Variants in TMEM131L observed in about 807,000 individuals in gnomAD.
TMEM131L encodes the protein transmembrane protein 131-like.
Under a neutral mutation model 192.2 loss-of-function variants are expected in TMEM131L, and 54 were observed. The observed-to-expected ratio is 0.28, with a 90% CI of 0.23 to 0.35. TMEM131L has a LOEUF of 0.35. Among genes scored for constraint, TMEM131L ranks in the 10% least tolerant of loss-of-function variants. The pLI is 1.00. For synonymous variants in TMEM131L, 701 were observed against 704.9 expected, an observed-to-expected ratio of 0.99 and a Z score of 0.09; for missense variants, 1,888 against 1,972.9, an observed-to-expected ratio of 0.96 and a Z score of 0.82.
chr4:153,590,483 T>C (rs921435895), intron 16 of TMEM131L, among the ~76,000 whole-genome samples: 1 of 152,250 alleles, frequency 6.6e-6, no homozygotes, highest in African/African-American at 2.4e-5. Flanking sequence ...CCTTTTTCCT[T>C]GTGTAATTAA....
intron 3 of TMEM131L, among the ~76,000 whole-genome samples, chr4:153,495,762 GT>G (rs1277832951): frequency 2.0e-5 from 3 of 152,202 alleles, no homozygotes; most frequent in Non-Finnish European, 4.4e-5. Context: ...GAATTTCCTT[GT>G]GGGTAAATTG....
chr4:153,541,086 A>G (rs1736746063), intron 3 of TMEM131L, among the ~76,000 whole-genome samples: 1 of 152,216 alleles, frequency 6.6e-6, no homozygotes, highest in Admixed American at 6.5e-5. Flanking sequence ...GACCTACCCT[A>G]GCGTCTAGGA....
chr4:153,540,488 C>T lies in TMEM131L; in HGVS notation c.240-9585C>T, dbSNP rs1736694629. On this transcript the variant is annotated intron_variant, in intron 3 of 34. Coordinates refer to ENST00000409959, the MANE Select transcript of TMEM131L (RefSeq NM_001131007.2). Reference sequence around the variant, plus strand: ...TTAAAGTACTGTGGACTGTGCTCTCCCTTGTATCATATGTGTTATGTATTG... The same window carrying T: ...TTAAAGTACTGTGGACTGTGCTCTCTCTTGTATCATATGTGTTATGTATTG... 1.3e-5 allele frequency among the ~76,000 whole-genome samples: 2 copies of T among 152,162 alleles called. 1 individual carries two copies. The highest frequency in any genetic ancestry group is 4.1e-4 in the South Asian group (2 of 4,834).
At chr4:153,551,503 G>A (rs1019718152) in intron 4 of TMEM131L, among the ~76,000 whole-genome samples, 5 of 152,046 alleles carry the variant, frequency 3.3e-5, no homozygotes, top group Non-Finnish European at 5.9e-5. Context: ...GACTATGGGT[G>A]CCCGCCACCA....
rs749726419 is a variant in TMEM131L at position 153,596,283 on chromosome 4, T to C, written c.2021T>C (p.Phe674Ser). Residue 674 changes from phenylalanine (F) to serine (S), a missense_variant, in exon 20 of 35, where the codon TTT becomes TCT. Transcript: ENST00000409959. The stretch of plus-strand genomic sequence containing the variant: ...GGTACGCATTCTGAGGAATCCAGGT[T>C]TGGCATCCTCCACTTACATCTGCAG... ...YLGTHSEESRFGILHLHLQPL... is the reference protein window; with the variant it reads ...YLGTHSEESRSGILHLHLQPL... 8 of 1,613,948 alleles carry C rather than the reference T, an allele frequency of 5.0e-6. No homozygotes were observed.
chr4:153,514,181 C>G (rs1489081941), intron 3 of TMEM131L, among the ~76,000 whole-genome samples: 1 of 152,158 alleles, frequency 6.6e-6, no homozygotes, highest in Non-Finnish European at 1.5e-5. Flanking sequence ...TTGATTTTCT[C>G]CTCTGTAAAA....
intron 9 of TMEM131L, among the ~76,000 whole-genome samples, chr4:153,582,427 T>TTTG (rs1372769237): frequency 8.2e-6 from 1 of 122,162 alleles, no homozygotes; most frequent in African/African-American, 5.3e-5. Context: ...ACCGTTTTTT[T>TTTG]TTGTTGTTTT....
intron 25 of TMEM131L, among the ~76,000 whole-genome samples, chr4:153,610,584 C>G (rs1654239034): frequency 6.6e-6 from 1 of 152,168 alleles, no homozygotes; most frequent in Admixed American, 6.6e-5. Context: ...GCTTGCCTGG[C>G]ATTTTTATGG....
intron 7 of TMEM131L, among the ~76,000 whole-genome samples, chr4:153,561,434 T>A (rs1392012555): frequency 6.6e-6 from 1 of 152,228 alleles, no homozygotes; most frequent in Non-Finnish European, 1.5e-5. Context: ...TTTAATATTA[T>A]ATCTAAAAAG....
At chr4:153,607,448 A>G (rs1167164667) in intron 25 of TMEM131L, among the ~76,000 whole-genome samples, 1 of 152,192 alleles carries the variant, frequency 6.6e-6, no homozygotes, top group East Asian at 1.9e-4. Context: ...ATAGCTGAGA[A>G]TCCTAAGTGC....
Position 153,555,675 on chromosome 4 carries a change from C to T in TMEM131L, c.309-112C>T. 1.1e-6 allele frequency: 1 copy of T among 877,632 alleles called. No homozygotes were observed. The highest frequency in any genetic ancestry group is 1.6e-6 in the Non-Finnish European group (1 of 616,044). 54.4% of individuals were successfully genotyped at this position (877,632 alleles called of 1,614,324 possible). A position where few individuals can be genotyped will look rare whatever the true frequency, so the allele number is the denominator to read the frequency against. On this transcript the variant is annotated intron_variant, in intron 4 of 34. Coordinates refer to ENST00000409959, the MANE Select transcript of TMEM131L (RefSeq NM_001131007.2). This position sits in a 1 kb window ranked among gnomAD's most constrained non-coding sequence, Gnocchi z 4.1. ...AATTTAACTTTGTGATGAACAGCAA[C>T]AGCTTTCTGGGTTTAAAAATCTGTG...
chr4:153,498,533 G>A (rs905988264), intron 3 of TMEM131L, among the ~76,000 whole-genome samples: 1 of 152,208 alleles, frequency 6.6e-6, no homozygotes, highest in African/African-American at 2.4e-5. Flanking sequence ...GAGAGAGCGT[G>A]TGGGTGTGTG....
chr4:153,602,393 G>A, intron 22 of TMEM131L, 55 bp downstream of exon 22: 3 of 1,569,852 alleles, frequency 1.9e-6, no homozygotes, highest in Non-Finnish European at 2.6e-6. Context: ...AACAATGTGA[G>A]GAGGAAAACT....
intron 9 of TMEM131L, 85 bp downstream of exon 9, chr4:153,581,645 A>G: frequency 1.1e-6 from 1 of 912,994 alleles, no homozygotes; most frequent in Admixed American, 3.4e-5. Flanking sequence ...ATTGTATCAT[A>G]GCAAACCAAG....
chr4:153,615,801 GC>G (rs1478277270), intron 26 of TMEM131L, among the ~76,000 whole-genome samples: 1 of 152,130 alleles, frequency 6.6e-6, no homozygotes, highest in Non-Finnish European at 1.5e-5. Flanking sequence ...ACCTAAGATG[GC>G]CCTAAGGAAT....
At chr4:153,574,095 G>A (rs1729772718) in intron 7 of TMEM131L, among the ~76,000 whole-genome samples, 1 of 151,164 alleles carries the variant, frequency 6.6e-6, no homozygotes, top group Non-Finnish European at 1.5e-5. Context: ...TATGGCTGGG[G>A]TTTGATCTCA....
At chr4:153,631,871 C>G (rs1734234695) in intron 31 of TMEM131L, among the ~76,000 whole-genome samples, 1 of 152,218 alleles carries the variant, frequency 6.6e-6, no homozygotes, top group Admixed American at 6.5e-5. Flanking sequence ...TGTTTGAACT[C>G]CCCAGGCACA....
chr4:153,609,344 C>G (rs1299672148), intron 25 of TMEM131L, among the ~76,000 whole-genome samples: 2 of 152,168 alleles, frequency 1.3e-5, no homozygotes, highest in Admixed American at 6.5e-5. Flanking sequence ...TGAGAACTCT[C>G]TCACTATCAT....
chr4:153,583,357 T>A, intron 10 of TMEM131L, 109 bp downstream of exon 10: 1 of 792,020 alleles, frequency 1.3e-6, no homozygotes, highest in South Asian at 1.5e-5. Flanking sequence ...TCTTTATTCT[T>A]TTTTGCTTTA....
Sources: gnomAD v4.1 joint callset for allele counts (sites outside exome capture counted in the v4.1 genomes callset) on GRCh38, gnomAD v4.1.1 for gene constraint, Gnocchi (gnomAD v3.1) non-coding constraint, MANE v1.5 for transcripts, NCBI Gene and HGNC (gene_info 2026-07-23, HGNC 2026-07-21) for gene names.